NRG3: variants seen among roughly 807,000 people sequenced by gnomAD.
NRG3 encodes the protein neuregulin 3, also known as pro-neuregulin-3, membrane-bound isoform.
NRG3 carries 31 observed loss-of-function variants against 66.9 expected under a neutral mutation model. The observed-to-expected ratio is 0.46, with a 90% CI of 0.35 to 0.63. NRG3 has a LOEUF of 0.63. Among genes scored for constraint, NRG3 ranks in the 20% least tolerant of loss-of-function variants. The pLI is 0.00. For missense variants in NRG3, 910 were observed against 878.9 expected (o/e 1.04, Z -0.45); for synonymous variants, 393 against 359.4 (o/e 1.09, Z -1.06).
chr10:82,629,503 T>C (rs1326065389), intron 2 of NRG3, among the ~76,000 whole-genome samples: 1 of 152,186 alleles, frequency 6.6e-6, no homozygotes, highest in African/African-American at 2.4e-5. Flanking sequence ...CATTCTTAAA[T>C]GAAACATACA....
At chr10:82,565,155 A>G (rs993457840) in intron 2 of NRG3, among the ~76,000 whole-genome samples, 1 of 152,142 alleles carries the variant, frequency 6.6e-6, no homozygotes, top group Non-Finnish European at 1.5e-5. Context: ...GCAAACTATA[A>G]ATTTCATGGA....
At chr10:82,587,703 G>A (rs960625663) in intron 2 of NRG3, among the ~76,000 whole-genome samples, 1 of 152,118 alleles carries the variant, frequency 6.6e-6, no homozygotes, top group Non-Finnish European at 1.5e-5. Context: ...AGATGGACAG[G>A]CCATGAATCA....
chr10:82,730,976 A>T (rs766389293), intron 2 of NRG3, among the ~76,000 whole-genome samples: 2 of 152,086 alleles, frequency 1.3e-5, no homozygotes, highest in Non-Finnish European at 2.9e-5. Flanking sequence ...ACACTGGGCA[A>T]TTCAGTTTTC....
chr10:81,969,984 G>A lies in NRG3; in HGVS notation c.823+93821G>A, dbSNP rs143703781. Among the ~76,000 whole-genome samples, 17 of 152,146 alleles carry A rather than the reference G, an allele frequency of 1.1e-4. No individual in the cohort carries two copies. In the East Asian group the frequency reaches 2.1e-3, roughly 19 times the overall value. ...AAGGAGATTTTTTAGAGGAGACTCC[G>A]ATTTAAATATTGCTTCTATCATAGT... On this transcript the variant is annotated intron_variant, in intron 1 of 8. Transcript: ENST00000372141.
intron 1 of NRG3, among the ~76,000 whole-genome samples, chr10:82,047,034 C>G (rs1371862314): frequency 2.0e-5 from 3 of 147,588 alleles, no homozygotes; most frequent in African/African-American, 7.3e-5. Context: ...AATTCTCTTT[C>G]TTGGTTGTGT....
intron 3 of NRG3, among the ~76,000 whole-genome samples, chr10:82,852,995 T>C (rs942732713): frequency 2.0e-5 from 3 of 152,196 alleles, no homozygotes; most frequent in African/African-American, 7.2e-5. Context: ...AATCTTTTTA[T>C]TGGTGTAGTC....
chr10:82,005,776 A>T (rs1041755704), intron 1 of NRG3, among the ~76,000 whole-genome samples: 4 of 152,168 alleles, frequency 2.6e-5, no homozygotes, highest in African/African-American at 9.7e-5. Context: ...TGTTGTGCTG[A>T]TTCACTAACG....
At chr10:82,873,952 T>C (rs1051183180) in intron 4 of NRG3, among the ~76,000 whole-genome samples, 1 of 152,008 alleles carries the variant, frequency 6.6e-6, no homozygotes, top group African/African-American at 2.4e-5. Flanking sequence ...AAAATAAGAT[T>C]CTTAATTAAA....
chr10:82,715,222 C>G (rs2056902872), intron 2 of NRG3, among the ~76,000 whole-genome samples: 1 of 152,104 alleles, frequency 6.6e-6, no homozygotes, highest in African/African-American at 2.4e-5. Flanking sequence ...TGGCAAAACC[C>G]CATCGCTACC....
rs1459161992 is a variant in NRG3, at chr10:82,344,485, C to A, written c.824-14254C>A. On this transcript the variant is annotated intron_variant, in intron 1 of 8. Coordinates refer to ENST00000372141, the MANE Select transcript of NRG3 (RefSeq NM_001010848.4). ...TCATTGTTGGACATTTGGGTTGGTT[C>A]CAAGTCTTTGCTATTGTGAATAATG... is the stretch of plus-strand genomic sequence containing the variant. Among the ~76,000 whole-genome samples the A allele has an allele frequency of 1.6e-3, 243 of 148,000 alleles. 1 individual carries two copies. Among genetic ancestry groups the A allele is most frequent in the African/African-American group, 5.8e-3 (220 of 37,904 alleles).
intron 1 of NRG3, among the ~76,000 whole-genome samples, chr10:82,043,538 AACTTCTTAATTT>A (rs2063135585): frequency 6.6e-6 from 1 of 152,008 alleles, no homozygotes; most frequent in Non-Finnish European, 1.5e-5. Flanking sequence ...CCCAGTCCTT[AACTTCTTAATTT>A]TGATCAATTT....
At chr10:82,206,167 A>G (rs1276621729) in intron 1 of NRG3, among the ~76,000 whole-genome samples, 1 of 152,140 alleles carries the variant, frequency 6.6e-6, no homozygotes, top group Non-Finnish European at 1.5e-5. Flanking sequence ...TCTCCTGCTT[A>G]ATTTGCATCT....
At chr10:81,948,014 T>G (rs2133160640) in intron 1 of NRG3, among the ~76,000 whole-genome samples, 1 of 152,322 alleles carries the variant, frequency 6.6e-6, no homozygotes, top group Non-Finnish European at 1.5e-5. Context: ...CAACACATGG[T>G]AAGTGCTCCT....
At chr10:82,362,873 A>G (rs959042249) in intron 2 of NRG3, among the ~76,000 whole-genome samples, 1 of 152,192 alleles carries the variant, frequency 6.6e-6, no homozygotes, top group African/African-American at 2.4e-5. Flanking sequence ...CCCTCTTTCT[A>G]TACCAAAAGT....
chr10:82,983,941 C>T (rs1012600845), intron 8 of NRG3, among the ~76,000 whole-genome samples: 1 of 152,204 alleles, frequency 6.6e-6, no homozygotes, highest in Non-Finnish European at 1.5e-5. Context: ...CTAATTTGCT[C>T]CCATCATGTC....
chr10:82,647,826 C>T (rs1212775409), intron 2 of NRG3, among the ~76,000 whole-genome samples: 1 of 151,216 alleles, frequency 6.6e-6, no homozygotes, highest in Non-Finnish European at 1.5e-5. Flanking sequence ...CTGTTCATGT[C>T]CTTCGCCCAC....
intron 1 of NRG3, among the ~76,000 whole-genome samples, chr10:81,927,919 T>G (rs1159531492): frequency 6.6e-6 from 1 of 152,108 alleles, no homozygotes; most frequent in Non-Finnish European, 1.5e-5. Flanking sequence ...GAAAACAGAT[T>G]CCTTGTAGCA....
chr10:82,207,353 G>A (rs899770138), intron 1 of NRG3, among the ~76,000 whole-genome samples: 1 of 152,070 alleles, frequency 6.6e-6, no homozygotes, highest in Admixed American at 6.6e-5. Flanking sequence ...TGAAGTGCAC[G>A]GGTCATTTGT....
At chr10:82,935,684 C>T (rs141121513) in intron 4 of NRG3, among the ~76,000 whole-genome samples, 1,569 of 152,066 alleles carry the variant, frequency 0.01, 15 homozygotes, top group African/African-American at 0.03. Context: ...AGTGCAGTGG[C>T]GCGATCTCAG....
Sources: allele counts gnomAD v4.1 joint callset (sites outside exome capture counted in the v4.1 genomes callset), GRCh38; gene constraint gnomAD v4.1.1; transcripts MANE v1.5; gene names NCBI Gene and HGNC (gene_info 2026-07-23, HGNC 2026-07-21).